CSMD1: variants seen among roughly 807,000 people sequenced by gnomAD.
CSMD1 encodes the protein CUB and sushi domain-containing protein 1.
A neutral mutation model predicts 417.5 loss-of-function variants in CSMD1; 213 were observed. That is an observed-to-expected ratio of 0.51 (90% CI 0.46 to 0.57). CSMD1 has a LOEUF of 0.57. Ranked by LOEUF, CSMD1 falls within the 20% of genes least tolerant of loss-of-function variation. The pLI, the probability that CSMD1 is intolerant of heterozygous loss-of-function variation, is 0.00. For synonymous variants in CSMD1, 2,862 were observed against 1,736.8 expected (o/e 1.65, Z -16.11); for missense variants, 6,923 against 4,529.7 (o/e 1.53, Z -15.17).
intron 2 of CSMD1, among the ~76,000 whole-genome samples, chr8:4,615,638 A>G (rs1265437867): frequency 6.6e-6 from 1 of 152,158 alleles, no homozygotes. Flanking sequence ...TAAATAATAA[A>G]TATATTTTTT....
intron 9 of CSMD1, among the ~76,000 whole-genome samples, chr8:3,584,319 A>C (rs1168332206): frequency 6.6e-6 from 1 of 152,180 alleles, no homozygotes; most frequent in Non-Finnish European, 1.5e-5. Context: ...CCAGAAAACT[A>C]AACCAAACAC....
At chr8:3,680,537 A>G (rs1176011579) in intron 7 of CSMD1, among the ~76,000 whole-genome samples, 2 of 152,216 alleles carry the variant, frequency 1.3e-5, no homozygotes, top group East Asian at 3.9e-4. Context: ...AAATTGAGGT[A>G]ATAATTAATA....
intron 46 of CSMD1, among the ~76,000 whole-genome samples, chr8:3,099,485 C>T (rs762052718): frequency 6.6e-6 from 1 of 152,036 alleles, no homozygotes; most frequent in Non-Finnish European, 1.5e-5. Context: ...CTTATACTAA[C>T]AAAAAAATGC....
intron 42 of CSMD1, among the ~76,000 whole-genome samples, chr8:3,112,284 G>C (rs574013127): frequency 2.0e-5 from 3 of 152,178 alleles, no homozygotes; most frequent in Admixed American, 6.5e-5. Flanking sequence ...GTGACTCCGT[G>C]CTAGTAATTT....
intron 12 of CSMD1, among the ~76,000 whole-genome samples, chr8:3,462,706 C>T (rs895390348): frequency 3.3e-5 from 5 of 152,166 alleles, no homozygotes; most frequent in East Asian, 1.9e-4. Flanking sequence ...ATGCAATGCA[C>T]TTCAGTCACC....
chr8:4,165,104 G>C (rs181712313), intron 3 of CSMD1, among the ~76,000 whole-genome samples: 9 of 152,106 alleles, frequency 5.9e-5, no homozygotes, highest in Non-Finnish European at 1.2e-4. Context: ...GAGAAACTAA[G>C]AATTCATGTG....
Position 3,343,451 on chromosome 8 carries a change from C to G in CSMD1, c.3475-1G>C. 5 of 1,611,514 alleles carry G rather than the reference C, an allele frequency of 3.1e-6. No homozygotes were observed. The highest frequency in any genetic ancestry group is 4.2e-6 in the Non-Finnish European group (5 of 1,178,040). On this transcript the variant is annotated splice_acceptor_variant, in intron 22 of 69. Coordinates refer to ENST00000635120, the MANE Select transcript of CSMD1 (RefSeq NM_033225.6). LOFTEE classifies it high-confidence loss of function. ...AGGAACTGTCTTTTCCATCATATAC[C>G]TGATGAAAATTCACAGCATGAGTCC...
At chr8:4,836,175 C>A (rs1040418519) in intron 1 of CSMD1, among the ~76,000 whole-genome samples, 2 of 152,146 alleles carry the variant, frequency 1.3e-5, no homozygotes, top group Non-Finnish European at 2.9e-5. Context: ...TTATTTAAAT[C>A]GTTAATTGTG....
chr8:3,375,475 TC>T (rs1810247192), intron 18 of CSMD1, among the ~76,000 whole-genome samples: 1 of 152,166 alleles, frequency 6.6e-6, no homozygotes, highest in Non-Finnish European at 1.5e-5. Flanking sequence ...TGAGTTACTT[TC>T]CACTTCAATA....
At chr8:3,270,090 C>G (rs919212565) in intron 26 of CSMD1, among the ~76,000 whole-genome samples, 6 of 131,718 alleles carry the variant, frequency 4.6e-5, no homozygotes, top group Non-Finnish European at 7.8e-5. Flanking sequence ...TGCTCTGTTG[C>G]CCAGGGCGAA....
intron 11 of CSMD1, 53 bp from the exon 12 acceptor site, chr8:3,468,877 C>A (rs1816930793): frequency 8.3e-7 from 1 of 1,198,072 alleles, no homozygotes. Flanking sequence ...AGTACATCGA[C>A]TTCCACCTGA....
At position 4,587,079 on chromosome 8, in the gene CSMD1, C is replaced by T. The variant is rs190975982; in HGVS notation, c.302+50263G>A. On this transcript the variant is annotated intron_variant, in intron 2 of 69. Transcript: ENST00000635120. The stretch of plus-strand genomic sequence containing the variant: ...TTTAATCCATGAAACATTGCTTTTA[C>T]TATTATATATGACAATATCCTACAG... Among the ~76,000 whole-genome samples, 234 of 152,248 alleles carry T rather than the reference C, an allele frequency of 1.5e-3. 1 individual carries two copies. The highest frequency in any genetic ancestry group is 5.8e-3 in the South Asian group (28 of 4,818).
At chr8:3,154,323 G>C (rs1354178094) in intron 39 of CSMD1, among the ~76,000 whole-genome samples, 1 of 152,182 alleles carries the variant, frequency 6.6e-6, no homozygotes, top group African/African-American at 2.4e-5. Flanking sequence ...GATTGGTTCA[G>C]TGTCCATCTC....
At chr8:3,242,300 A>C (rs1799590185) in intron 26 of CSMD1, among the ~76,000 whole-genome samples, 1 of 150,000 alleles carries the variant, frequency 6.7e-6, no homozygotes, top group Non-Finnish European at 1.5e-5. Flanking sequence ...GGAGGAAGGG[A>C]GAGGTCAGAT....
At chr8:4,232,849 A>G (rs918045315) in intron 3 of CSMD1, among the ~76,000 whole-genome samples, 5 of 152,242 alleles carry the variant, frequency 3.3e-5, no homozygotes, top group East Asian at 1.9e-4. Context: ...ATTTATTTAT[A>G]TATTTATTTT....
intron 3 of CSMD1, among the ~76,000 whole-genome samples, chr8:4,056,078 CTTTTT>C (rs58415435): frequency 1.4e-4 from 14 of 97,842 alleles, no homozygotes; most frequent in South Asian, 7.6e-4. Context: ...TGGTGGCTTC[CTTTTT>C]TTTTTTTTTT....
chr8:4,014,986 G>T (rs1042939835), intron 4 of CSMD1, among the ~76,000 whole-genome samples: 9 of 152,166 alleles, frequency 5.9e-5, no homozygotes, highest in Non-Finnish European at 1.3e-4. Context: ...ATGTAGCACA[G>T]CAAATATGCA....
Position 4,222,775 on chromosome 8 carries a change from C to T in CSMD1, c.416-190676G>A, listed in dbSNP as rs140560893. Among the ~76,000 whole-genome samples, 68 of 152,112 alleles carry T rather than the reference C, an allele frequency of 4.5e-4. No individual in the cohort carries two copies. The East Asian group carries it at 0.012, about 27-fold the overall frequency. The stretch of plus-strand genomic sequence containing the variant: ...AGATGGAGGTTATAGTTTAGCTCAC[C>T]GAGTCATCATTAAGGGCTGGTTGAG... On this transcript the variant is annotated intron_variant, in intron 3 of 69. Transcript: ENST00000635120.
chr8:3,604,948 T>A (rs991987279), intron 8 of CSMD1, among the ~76,000 whole-genome samples: 1 of 152,148 alleles, frequency 6.6e-6, no homozygotes, highest in African/African-American at 2.4e-5. Context: ...GTGCCTTTGG[T>A]TTCCCTCATT....
Sources: gnomAD v4.1 joint callset for allele counts (sites outside exome capture counted in the v4.1 genomes callset) on GRCh38, gnomAD v4.1.1 for gene constraint, MANE v1.5 for transcripts, NCBI Gene and HGNC (gene_info 2026-07-23, HGNC 2026-07-21) for gene names.